Variants in KCNMB4 observed in about 807,000 individuals in gnomAD.
The protein encoded by KCNMB4 is potassium calcium-activated channel subfamily M regulatory beta subunit 4, also known as calcium-activated potassium channel subunit beta-4.
A neutral mutation model predicts 20.7 loss-of-function variants in KCNMB4; 3 were observed. The ratio of observed to expected loss-of-function variants is 0.14; its 90% CI spans 0.07 to 0.37. The LOEUF is 0.37. Ranked by LOEUF, KCNMB4 falls within the 10% of genes least tolerant of loss-of-function variation. KCNMB4 has a pLI of 1.00. For synonymous variants in KCNMB4, 110 were observed against 113.4 expected (o/e 0.97, Z 0.19); for missense variants, 168 against 265.9 (o/e 0.63, Z 2.56).
At chr12:70,402,498 G>A (rs996878319) in intron 2 of KCNMB4, among the ~76,000 whole-genome samples, 1 of 151,652 alleles carries the variant, frequency 6.6e-6, no homozygotes, top group Admixed American at 6.6e-5. Context: ...TTAAAAATTA[G>A]CCAGGCATGA....
In KCNMB4 at chr12:70,393,125, C is replaced by A. The variant is rs74774389; in HGVS notation, c.337-7084C>A. The stretch of plus-strand genomic sequence containing the variant: ...TTGAACTTCTTCCAGATTAAAATTT[C>A]TTGTTTTGGTGTGATTGCTTCTATT... On this transcript the variant is annotated intron_variant, in intron 1 of 2. Coordinates refer to ENST00000258111, the MANE Select transcript of KCNMB4 (RefSeq NM_014505.6). Among the ~76,000 whole-genome samples the A allele has an allele frequency of 5.7e-4, 87 of 152,062 alleles. No individual in the cohort carries two copies. The East Asian group carries it at 0.015, about 27-fold the overall frequency.
intron 1 of KCNMB4, among the ~76,000 whole-genome samples, chr12:70,386,926 CAG>C (rs989222488): frequency 6.6e-6 from 1 of 152,130 alleles, no homozygotes; most frequent in African/African-American, 2.4e-5. Flanking sequence ...AAGCAATAAA[CAG>C]AAGAGTGTGC....
At position 70,370,396 on chromosome 12, in the gene KCNMB4, C is replaced by T. The variant is rs183143281; in HGVS notation, c.336+3326C>T. Reference sequence around the variant, plus strand: ...GATCTCGGCTCACTGCAAGCTCCGCCTCCCTGGTTCATGCCATTCTCCTGC... The same window carrying T: ...GATCTCGGCTCACTGCAAGCTCCGCTTCCCTGGTTCATGCCATTCTCCTGC... On this transcript the variant is annotated intron_variant, in intron 1 of 2. Coordinates refer to ENST00000258111, the MANE Select transcript of KCNMB4 (RefSeq NM_014505.6). 7.6e-3 allele frequency among the ~76,000 whole-genome samples: 1,152 copies of T among 151,896 alleles called. 8 individuals carry two copies. The highest frequency in any genetic ancestry group is 0.013 in the South Asian group (61 of 4,806).
chr12:70,378,616 ACC>A (rs1883729946), intron 1 of KCNMB4, among the ~76,000 whole-genome samples: 1 of 151,860 alleles, frequency 6.6e-6, no homozygotes, highest in African/African-American at 2.4e-5. Context: ...GGCTCGCTTC[ACC>A]CTCTGCCTCC....
At chr12:70,408,373 A>G (rs887199606) in intron 2 of KCNMB4, among the ~76,000 whole-genome samples, 3 of 152,194 alleles carry the variant, frequency 2.0e-5, no homozygotes, top group Non-Finnish European at 2.9e-5. Context: ...GAAAAGATGA[A>G]CTTTATATTT....
At chr12:70,406,276 T>C (rs1162743253) in intron 2 of KCNMB4, among the ~76,000 whole-genome samples, 2 of 152,066 alleles carry the variant, frequency 1.3e-5, no homozygotes, top group East Asian at 1.9e-4. Context: ...CACTTAAAAA[T>C]TGAAGAGGGT....
Position 70,393,493 on chromosome 12 carries a change from G to A in KCNMB4, c.337-6716G>A, listed in dbSNP as rs183123551. Among the ~76,000 whole-genome samples, 116 of 152,178 alleles carry A rather than the reference G, an allele frequency of 7.6e-4. 1 individual carries two copies. Among genetic ancestry groups the A allele is most frequent in the African/African-American group, 2.5e-3 (105 of 41,514 alleles). On this transcript the variant is annotated intron_variant, in intron 1 of 2. Transcript: ENST00000258111. Reference sequence around the variant, plus strand: ...TGGGATTACAGGTGTGAGCCACCACGCCCCGCCGTGTTTTTATTTTCTAAC... The same window carrying A: ...TGGGATTACAGGTGTGAGCCACCACACCCCGCCGTGTTTTTATTTTCTAAC...
intron 1 of KCNMB4, among the ~76,000 whole-genome samples, chr12:70,396,323 TAGAC>T (rs916851670): frequency 2.0e-5 from 3 of 152,194 alleles, no homozygotes; most frequent in Non-Finnish European, 4.4e-5. Flanking sequence ...CTTCTTCTTT[TAGAC>T]AGAGTCTTGC....
rs1319073137 is a variant in KCNMB4, at chr12:70,433,889, T to G, written c.*3236T>G. The G allele has an allele frequency of 1.3e-5, 2 of 152,390 alleles. No individual in the cohort carries two copies. The highest frequency in any genetic ancestry group is 1.3e-4 in the Admixed American group (2 of 15,302). 9.4% of individuals were successfully genotyped at this position (152,390 alleles called of 1,614,324 possible). A position where few individuals can be genotyped will look rare whatever the true frequency, so the allele number is the denominator to read the frequency against. ...AAACTTTTGAGGGACATCGCAGCTT[T>G]TGCAGCCCCTGCTTGCTGGTGCAGA... On this transcript the variant is annotated 3_prime_UTR_variant, in exon 3 of 3. Transcript: ENST00000258111.
intron 2 of KCNMB4, among the ~76,000 whole-genome samples, chr12:70,422,387 G>C (rs1416658834): frequency 6.6e-6 from 1 of 152,200 alleles, no homozygotes; most frequent in Non-Finnish European, 1.5e-5. Flanking sequence ...CTGCACTTCT[G>C]ATGAAATCAA....
At chr12:70,429,653 T>G in intron 2 of KCNMB4, among the ~76,000 whole-genome samples, 1 of 124,576 alleles carries the variant, frequency 8.0e-6, no homozygotes, top group Non-Finnish European at 1.6e-5. Flanking sequence ...GGTGACAGAG[T>G]GAGACTCCAT....
intron 1 of KCNMB4, among the ~76,000 whole-genome samples, chr12:70,371,496 C>A (rs760709513): frequency 1.3e-5 from 2 of 152,138 alleles, no homozygotes; most frequent in Non-Finnish European, 2.9e-5. Context: ...ATACATTTTG[C>A]GCTCTAGAGA....
chr12:70,371,448 G>T (rs1378233392), intron 1 of KCNMB4, among the ~76,000 whole-genome samples: 2 of 152,286 alleles, frequency 1.3e-5, no homozygotes, highest in East Asian at 3.9e-4. Context: ...GGCCTGCCTG[G>T]AATTGTTTCT....
At position 70,431,434 on chromosome 12, in the gene KCNMB4, TA is replaced by T. The variant is rs1415790628; in HGVS notation, c.*787del. On this transcript the variant is annotated 3_prime_UTR_variant, in exon 3 of 3. Coordinates refer to ENST00000258111, the MANE Select transcript of KCNMB4 (RefSeq NM_014505.6). ...CTGTTCTTGTTGTTTTTGACGGAGT[TA>T]AAAAAGTTTGTGTGCAATACAATAT... The T allele has an allele frequency of 6.6e-6, 1 of 152,048 alleles. No homozygotes were observed. Among genetic ancestry groups the T allele is most frequent in the Admixed American group, 6.6e-5 (1 of 15,266 alleles). The allele number at this position is 152,048 out of a possible 1,614,324, so 9.4% of individuals were successfully genotyped here.
chr12:70,416,272 G>T (rs1868911409), intron 2 of KCNMB4, among the ~76,000 whole-genome samples: 1 of 152,080 alleles, frequency 6.6e-6, no homozygotes, highest in Admixed American at 6.6e-5. Context: ...GATGAAGGAG[G>T]GGCACCTATC....
rs2136134018 is a variant in KCNMB4 at position 70,408,282 on chromosome 12, C to T, written c.464+7946C>T. 2.0e-5 allele frequency among the ~76,000 whole-genome samples: 3 copies of T among 152,188 alleles called. 1 individual carries two copies. The highest frequency in any genetic ancestry group is 2.0e-4 in the Admixed American group (3 of 15,294). On this transcript the variant is annotated intron_variant, in intron 2 of 2. Coordinates refer to ENST00000258111, the MANE Select transcript of KCNMB4 (RefSeq NM_014505.6). ...TGTGAAAAATGGCAGCTCCCTGGTGCCATCTACTCTTAGTACACTTTTTAC... is the reference window on the plus strand; with the variant it reads ...TGTGAAAAATGGCAGCTCCCTGGTGTCATCTACTCTTAGTACACTTTTTAC...
intron 2 of KCNMB4, chr12:70,422,777 G>A: frequency 7.9e-7 from 1 of 1,272,248 alleles, no homozygotes; most frequent in South Asian, 1.3e-5. Flanking sequence ...TCCTTAATAG[G>A]CCCCCGATCT....
intron 1 of KCNMB4, among the ~76,000 whole-genome samples, chr12:70,386,880 T>C (rs1868261608): frequency 1.3e-5 from 2 of 152,196 alleles, no homozygotes; most frequent in African/African-American, 2.4e-5. Flanking sequence ...TCTGTACACA[T>C]GAGAGCACTA....
At chr12:70,386,933 G>A (rs1868262546) in intron 1 of KCNMB4, among the ~76,000 whole-genome samples, 1 of 152,170 alleles carries the variant, frequency 6.6e-6, no homozygotes, top group Admixed American at 6.5e-5. Flanking sequence ...AAACAGAAGA[G>A]TGTGCTCACA....
Sources: allele counts gnomAD v4.1 joint callset (sites outside exome capture counted in the v4.1 genomes callset), GRCh38; gene constraint gnomAD v4.1.1; transcripts MANE v1.5; gene names NCBI Gene and HGNC (gene_info 2026-07-23, HGNC 2026-07-21).